Variants in DPP6 observed in about 807,000 individuals in gnomAD.
DPP6 encodes dipeptidyl peptidase like 6.
In DPP6, 69 loss-of-function variants were observed where a neutral mutation model predicts 122.6. The observed-to-expected ratio is 0.56, with a 90% CI of 0.46 to 0.69. The LOEUF is 0.69. Among genes scored for constraint, DPP6 ranks in the 30% least tolerant of loss-of-function variants. DPP6 has a pLI of 0.00. For synonymous variants in DPP6, 418 were observed against 433.1 expected (o/e 0.97, Z 0.43); for missense variants, 928 against 1,116.9 (o/e 0.83, Z 2.41).
intron 1 of DPP6, among the ~76,000 whole-genome samples, chr7:154,157,648 T>C (rs539036805): frequency 3.9e-5 from 6 of 152,294 alleles, no homozygotes; most frequent in Non-Finnish European, 8.8e-5. Context: ...TTTGTACTTA[T>C]TTGGGCTGGG....
At chr7:154,758,488 C>A (rs1178215921) in intron 8 of DPP6, among the ~76,000 whole-genome samples, 1 of 151,924 alleles carries the variant, frequency 6.6e-6, no homozygotes, top group Admixed American at 6.6e-5. Flanking sequence ...TCTCCTGCCT[C>A]AGCCTCCTGA....
At chr7:153,958,648 G>A (rs544118860) in intron 1 of DPP6, among the ~76,000 whole-genome samples, 116 of 152,292 alleles carry the variant, frequency 7.6e-4, no homozygotes, top group African/African-American at 2.6e-3. Flanking sequence ...CATCGGAGGC[G>A]GGGTTGCATC....
intron 1 of DPP6, among the ~76,000 whole-genome samples, chr7:154,255,580 C>T (rs1335869631): frequency 2.2e-5 from 3 of 139,422 alleles, no homozygotes; most frequent in Middle Eastern, 7.6e-3. Context: ...GAGGCCCAGG[C>T]GTCTCATCTC....
At chr7:153,853,163 C>G in the DPP6 span, among the ~76,000 whole-genome samples, 26 of 152,346 alleles carry the variant, frequency 1.7e-4, no homozygotes, top group South Asian at 2.7e-3. Flanking sequence ...TAACATCTTT[C>G]AATTTACCCT....
chr7:154,732,981 C>T (rs1385781749), intron 8 of DPP6, among the ~76,000 whole-genome samples: 1 of 152,164 alleles, frequency 6.6e-6, no homozygotes, highest in Non-Finnish European at 1.5e-5. Flanking sequence ...CCACCGCCCT[C>T]GCCTGGACTC....
intron 23 of DPP6, among the ~76,000 whole-genome samples, chr7:154,888,478 G>A (rs577070395): frequency 3.9e-5 from 6 of 152,298 alleles, no homozygotes; most frequent in African/African-American, 1.2e-4. Context: ...TGTCAGACAC[G>A]GCATTTCTCC....
At chr7:154,375,929 C>T (rs930977433) in intron 1 of DPP6, among the ~76,000 whole-genome samples, 1 of 152,178 alleles carries the variant, frequency 6.6e-6, no homozygotes, top group Non-Finnish European at 1.5e-5. Context: ...CTCAGGAGCA[C>T]ATATACTCAC....
intron 1 of DPP6, among the ~76,000 whole-genome samples, chr7:153,952,384 A>G (rs1238166280): frequency 6.6e-6 from 1 of 152,268 alleles, no homozygotes. Context: ...TTTCAAAGCT[A>G]TATAGGCTGC....
intron 1 of DPP6, among the ~76,000 whole-genome samples, chr7:154,173,783 CAG>C (rs1797657656): frequency 6.6e-6 from 1 of 152,198 alleles, no homozygotes. Flanking sequence ...AACGACCACT[CAG>C]GGAGAGTGGG....
intron 11 of DPP6, among the ~76,000 whole-genome samples, chr7:154,794,435 G>T (rs1024300173): frequency 2.0e-5 from 3 of 152,180 alleles, no homozygotes; most frequent in African/African-American, 7.2e-5. Context: ...TGCCAGAGGC[G>T]CCCCGTGCCT....
intron 3 of DPP6, among the ~76,000 whole-genome samples, chr7:154,519,358 C>T (rs1483885126): frequency 6.6e-6 from 1 of 152,252 alleles, no homozygotes; most frequent in African/African-American, 2.4e-5. Context: ...TTCAGACTCA[C>T]ATTCTGCCTA....
At chr7:154,368,568 C>T (rs1812375627) in intron 1 of DPP6, among the ~76,000 whole-genome samples, 1 of 152,192 alleles carries the variant, frequency 6.6e-6, no homozygotes, top group African/African-American at 2.4e-5. Context: ...AGCATATCGT[C>T]TTTGGAAACA....
chr7:153,987,594 T>C lies in DPP6; in HGVS notation c.51+99860T>C, dbSNP rs1347752310. Among the ~76,000 whole-genome samples the C allele has an allele frequency of 5.9e-5, 9 of 151,910 alleles. 1 individual carries two copies. Among genetic ancestry groups the C allele is most frequent in the Admixed American group, 3.9e-4 (6 of 15,272 alleles). On this transcript the variant is annotated intron_variant, in intron 1 of 25. Transcript: ENST00000404039. ...TCCCTCAGAAAACTAAATGTCAATCTCATTCCATTTCCGTTGGACGGGGAA... is the reference window on the plus strand; with the variant it reads ...TCCCTCAGAAAACTAAATGTCAATCCCATTCCATTTCCGTTGGACGGGGAA...
intron 1 of DPP6, among the ~76,000 whole-genome samples, chr7:154,019,012 G>T (rs1360625207): frequency 6.6e-6 from 1 of 152,284 alleles, no homozygotes; most frequent in Admixed American, 6.5e-5. Context: ...AATAAACAGA[G>T]AAAACAATTT....
chr7:154,280,844 G>A (rs963898805), intron 1 of DPP6, among the ~76,000 whole-genome samples: 21 of 152,102 alleles, frequency 1.4e-4, no homozygotes, highest in Admixed American at 2.0e-4. Context: ...TGCAATTATC[G>A]TAGCCATCCC....
chr7:154,769,732 C>T (rs1348364359), intron 9 of DPP6, among the ~76,000 whole-genome samples, 161 bp downstream of exon 9: 1 of 152,200 alleles, frequency 6.6e-6, no homozygotes, highest in East Asian at 1.9e-4. Context: ...TACATTCCCG[C>T]CTCTGTTGAG....
chr7:154,032,155 T>G (rs1585204786), intron 1 of DPP6, among the ~76,000 whole-genome samples: 1 of 151,990 alleles, frequency 6.6e-6, no homozygotes, highest in Non-Finnish European at 1.5e-5. Context: ...ATTACAGGCA[T>G]GAGCAGGAGT....
At chr7:154,401,262 C>T (rs535547239) in intron 1 of DPP6, among the ~76,000 whole-genome samples, 12 of 150,264 alleles carry the variant, frequency 8.0e-5, no homozygotes, top group African/African-American at 2.7e-4. Context: ...GGAAACAGTA[C>T]ACCAAATTTA....
At chr7:154,372,286 A>G (rs967020634) in intron 1 of DPP6, among the ~76,000 whole-genome samples, 1 of 152,010 alleles carries the variant, frequency 6.6e-6, no homozygotes, top group Non-Finnish European at 1.5e-5. Context: ...TTCCTCGGGG[A>G]GTTTTGAGAG....
Sources: gnomAD v4.1 joint callset for allele counts (sites outside exome capture counted in the v4.1 genomes callset) on GRCh38, gnomAD v4.1.1 for gene constraint, MANE v1.5 for transcripts, NCBI Gene and HGNC (gene_info 2026-07-23, HGNC 2026-07-21) for gene names.